Variants in ZNF385D observed in about 807,000 individuals in gnomAD.
ZNF385D encodes zinc finger protein 385D.
A neutral mutation model predicts 35.8 loss-of-function variants in ZNF385D; 15 were observed. The ratio of observed to expected loss-of-function variants is 0.42; its 90% CI spans 0.28 to 0.64. ZNF385D has a LOEUF of 0.64. Ranked by LOEUF, ZNF385D falls within the 30% of genes least tolerant of loss-of-function variation. ZNF385D has a pLI of 0.23. For synonymous variants in ZNF385D, 212 were observed against 186.8 expected (o/e 1.13, Z -1.10); for missense variants, 474 against 494.6 (o/e 0.96, Z 0.39).
At chr3:22,023,985 G>C (rs1218534279) in intron 3 of ZNF385D, among the ~76,000 whole-genome samples, 1 of 152,118 alleles carries the variant, frequency 6.6e-6, no homozygotes, top group Non-Finnish European at 1.5e-5. Flanking sequence ...TTGATCCCCT[G>C]GGTATGTCTG....
intron 3 of ZNF385D, among the ~76,000 whole-genome samples, chr3:22,154,292 T>C (rs1033978733): frequency 1.3e-5 from 2 of 152,172 alleles, no homozygotes; most frequent in East Asian, 1.9e-4. Context: ...CCTGTATTGA[T>C]TCATGTTGAT....
intron 1 of ZNF385D, among the ~76,000 whole-genome samples, chr3:21,719,722 G>C (rs2068462718): frequency 6.6e-6 from 1 of 152,004 alleles, no homozygotes; most frequent in African/African-American, 2.4e-5. Context: ...CTTAGAAGCA[G>C]CCCGACTGGA....
At chr3:21,920,273 C>T (rs955147944) in intron 3 of ZNF385D, among the ~76,000 whole-genome samples, 1 of 152,054 alleles carries the variant, frequency 6.6e-6, no homozygotes, top group Non-Finnish European at 1.5e-5. Flanking sequence ...AACACTATGA[C>T]CAGGGCCTGA....
chr3:21,564,719 ATAAAGCTTGTCAG>A (rs1349316159), intron 2 of ZNF385D, 35 bp from the exon 3 acceptor site: 5 of 1,358,712 alleles, frequency 3.7e-6, no homozygotes, highest in Non-Finnish European at 4.0e-6. Flanking sequence ...ACAAATAGAA[ATAAAGCTTGTCAG>A]TTCCATTGGA....
chr3:22,048,287 T>A (rs901286965), intron 3 of ZNF385D, among the ~76,000 whole-genome samples: 1 of 152,134 alleles, frequency 6.6e-6, no homozygotes, highest in Non-Finnish European at 1.5e-5. Context: ...TATTTTTCCT[T>A]TTGTTCCCTG....
Position 22,222,594 on chromosome 3 carries a change from T to C in ZNF385D, c.107-53559A>G, listed in dbSNP as rs532256822. On this transcript the variant is annotated intron_variant, in intron 2 of 5. Coordinates refer to the ZNF385D transcript ENST00000494108. ...TGCATAACAGGAACTAGCAGGACAA[T>C]GGACTAGCTATACGACTGTGGGGAA... Among the ~76,000 whole-genome samples, 42 of 152,284 alleles carry C rather than the reference T, an allele frequency of 2.8e-4. No homozygotes were observed. The South Asian group carries it at 8.3e-3, about 30-fold the overall frequency.
chr3:21,988,871 G>T (rs1427994102), intron 3 of ZNF385D, among the ~76,000 whole-genome samples: 1 of 152,208 alleles, frequency 6.6e-6, no homozygotes, highest in Non-Finnish European at 1.5e-5. Context: ...TACTCTCGTG[G>T]TGCGCCGTTT....
At chr3:21,627,877 G>C (rs2065178194) in intron 2 of ZNF385D, among the ~76,000 whole-genome samples, 1 of 152,028 alleles carries the variant, frequency 6.6e-6, no homozygotes, top group Non-Finnish European at 1.5e-5. Context: ...AATAAGGGTA[G>C]ATTTTGATTT....
intron 3 of ZNF385D, among the ~76,000 whole-genome samples, chr3:22,159,812 G>C (rs1705831407): frequency 6.6e-6 from 1 of 152,048 alleles, no homozygotes. Flanking sequence ...TTTAATATCT[G>C]CATTTTTTCA....
At chr3:21,454,583 C>T (rs1909963) in intron 4 of ZNF385D, among the ~76,000 whole-genome samples, 42,100 of 151,894 alleles carry the variant, frequency 0.28, 6,483 homozygotes, top group East Asian at 0.43. Context: ...ATTGATGGGA[C>T]GTATCTCAAA....
At chr3:22,129,339 C>T (rs953232206) in intron 3 of ZNF385D, among the ~76,000 whole-genome samples, 5 of 152,100 alleles carry the variant, frequency 3.3e-5, no homozygotes, top group Non-Finnish European at 4.4e-5. Flanking sequence ...TTGGATACTG[C>T]TGAGTTTGTT....
intron 2 of ZNF385D, among the ~76,000 whole-genome samples, chr3:21,574,823 G>A (rs1466665715): frequency 6.6e-6 from 1 of 151,964 alleles, no homozygotes; most frequent in Non-Finnish European, 1.5e-5. Flanking sequence ...TAATATACAT[G>A]CATCAATTCC....
At chr3:21,958,950 T>C (rs1702434868) in intron 3 of ZNF385D, 2 of 152,200 alleles carry the variant, frequency 1.3e-5, no homozygotes, top group South Asian at 2.1e-4. Flanking sequence ...CCTAATGTTC[T>C]TTCTTTAAAG....
intron 3 of ZNF385D, among the ~76,000 whole-genome samples, chr3:21,916,203 A>G (rs550617451): frequency 1.5e-4 from 23 of 152,356 alleles, no homozygotes; most frequent in Admixed American, 1.5e-3. Context: ...CTGGAAATAT[A>G]TAATTAAAAT....
At chr3:21,807,844 G>C (rs950537451) in intron 3 of ZNF385D, among the ~76,000 whole-genome samples, 7 of 152,154 alleles carry the variant, frequency 4.6e-5, no homozygotes, top group African/African-American at 1.7e-4. Flanking sequence ...CTCTGAGATG[G>C]AGTGTCATAG....
chr3:22,059,510 T>C (rs868042775), intron 3 of ZNF385D, among the ~76,000 whole-genome samples: 5 of 152,186 alleles, frequency 3.3e-5, no homozygotes, highest in Non-Finnish European at 5.9e-5. Context: ...AGACGTATCT[T>C]TCTTTTGCAA....
chr3:21,690,502 T>C (rs76634265), intron 1 of ZNF385D, among the ~76,000 whole-genome samples: 2 of 152,108 alleles, frequency 1.3e-5, no homozygotes, highest in African/African-American at 4.8e-5. Flanking sequence ...CAACTTAACT[T>C]CTTAATTTTA....
chr3:22,146,061 C>T (rs1704833630), intron 3 of ZNF385D, among the ~76,000 whole-genome samples: 1 of 152,010 alleles, frequency 6.6e-6, no homozygotes, highest in Non-Finnish European at 1.5e-5. Context: ...CCGCAGGGCC[C>T]TGAAATGAAG....
intron 2 of ZNF385D, among the ~76,000 whole-genome samples, chr3:22,255,893 C>T (rs1342834965): frequency 6.6e-6 from 1 of 151,230 alleles, no homozygotes; most frequent in African/African-American, 2.4e-5. Flanking sequence ...ATTGATGATC[C>T]TGGGTGTGTC....
Sources: allele counts gnomAD v4.1 joint callset (sites outside exome capture counted in the v4.1 genomes callset), GRCh38; gene constraint gnomAD v4.1.1; transcripts MANE v1.5; gene names NCBI Gene and HGNC (gene_info 2026-07-23, HGNC 2026-07-21).